OPCML: variants seen among roughly 807,000 people sequenced by gnomAD.
The protein encoded by OPCML is opioid-binding protein/cell adhesion molecule.
Under a neutral mutation model 37.8 loss-of-function variants are expected in OPCML, and 13 were observed. The ratio of observed to expected loss-of-function variants is 0.34; its 90% CI spans 0.22 to 0.55. The LOEUF (loss-of-function observed/expected upper bound fraction) is 0.55. OPCML is among the 20% of genes least tolerant of loss of function. The pLI is 0.91. For missense variants in OPCML, 341 were observed against 435.6 expected, an observed-to-expected ratio of 0.78 and a Z score of 1.93; for synonymous variants, 176 against 168.8, an observed-to-expected ratio of 1.04 and a Z score of -0.33.
At chr11:133,464,682 C>T (rs1469292728) in intron 1 of OPCML, among the ~76,000 whole-genome samples, 3 of 152,054 alleles carry the variant, frequency 2.0e-5, no homozygotes, top group Non-Finnish European at 2.9e-5. Flanking sequence ...GGCTGTGTGG[C>T]TGAGGTGGAC....
chr11:132,710,410 G>T lies in OPCML; in HGVS notation c.147-53091C>A, dbSNP rs192960230. Among the ~76,000 whole-genome samples, 168 of 152,274 alleles carry T rather than the reference G, an allele frequency of 1.1e-3. 1 individual carries two copies. Among genetic ancestry groups the T allele is most frequent in the African/African-American group, 3.9e-3 (163 of 41,552 alleles). ...AAGTAAAGTACCTATACTACAGTAA[G>T]CATAGTGGCATCCATTATAAAGGAG... On this transcript the variant is annotated intron_variant, in intron 2 of 7. Transcript: ENST00000524381.
chr11:132,543,659 T>C (rs1453025902), intron 3 of OPCML, among the ~76,000 whole-genome samples: 1 of 152,232 alleles, frequency 6.6e-6, no homozygotes, highest in Non-Finnish European at 1.5e-5. Flanking sequence ...AGGTTTTGAC[T>C]CTGTTCTCTG....
intron 4 of OPCML, among the ~76,000 whole-genome samples, chr11:132,446,816 G>A (rs190902532): frequency 7.2e-5 from 11 of 152,126 alleles, no homozygotes; most frequent in Non-Finnish European, 1.5e-5. Context: ...CATGGAAGGA[G>A]ACACTGCCTC....
intron 1 of OPCML, among the ~76,000 whole-genome samples, chr11:133,326,340 GTA>G (rs1368993268): frequency 2.0e-5 from 2 of 100,490 alleles, no homozygotes. Context: ...GTGGGTGTGT[GTA>G]TGTGTGTGTG....
At chr11:133,278,828 A>C (rs1182930267) in intron 1 of OPCML, among the ~76,000 whole-genome samples, 1 of 152,130 alleles carries the variant, frequency 6.6e-6, no homozygotes, top group African/African-American at 2.4e-5. Context: ...TCCTACCTCA[A>C]CTCTCATAGA....
At chr11:133,423,025 C>G in intron 1 of OPCML, 1 of 985,260 alleles carries the variant, frequency 1.0e-6, no homozygotes, top group African/African-American at 1.7e-5. Context: ...CTGTGCCATC[C>G]AAGGAACCTC....
At chr11:133,509,394 A>G (rs1948106172) in intron 1 of OPCML, among the ~76,000 whole-genome samples, 1 of 152,230 alleles carries the variant, frequency 6.6e-6, no homozygotes, top group Admixed American at 6.5e-5. Flanking sequence ...TGCAAAGGAC[A>G]TGATCTCATT....
intron 1 of OPCML, among the ~76,000 whole-genome samples, chr11:133,377,627 A>AAAAAAAAAAAAAAAAAAAAAAAAAAG (rs1944840557): frequency 3.3e-5 from 5 of 150,752 alleles, no homozygotes; most frequent in Admixed American, 3.3e-4. Flanking sequence ...AAAAAAAAAA[A>AAAAAAAAAAAAAAAAAAAAAAAAAAG]GAGCACCAAG....
intron 1 of OPCML, among the ~76,000 whole-genome samples, chr11:133,252,204 C>CACAT (rs1941157678): frequency 6.6e-6 from 1 of 152,148 alleles, no homozygotes; most frequent in African/African-American, 2.4e-5. Context: ...AATACATACA[C>CACAT]ACATACATAC....
chr11:133,400,478 T>A (rs1468980646), intron 1 of OPCML, among the ~76,000 whole-genome samples: 1 of 152,206 alleles, frequency 6.6e-6, no homozygotes, highest in African/African-American at 2.4e-5. Flanking sequence ...GTTATGCTCT[T>A]CTAAGAGCTT....
intron 1 of OPCML, chr11:133,360,931 T>G (rs980455335): frequency 4.6e-5 from 7 of 152,416 alleles, no homozygotes; most frequent in Non-Finnish European, 8.8e-5. Context: ...GGCAAATGGT[T>G]CTCCGCAGCA....
chr11:132,776,251 C>T (rs1377263884), intron 2 of OPCML, among the ~76,000 whole-genome samples: 1 of 152,260 alleles, frequency 6.6e-6, no homozygotes, highest in Non-Finnish European at 1.5e-5. Context: ...CTTTCAGGAA[C>T]ATCACCCATG....
intron 1 of OPCML, among the ~76,000 whole-genome samples, chr11:133,371,258 T>C (rs12279611): frequency 0.09 from 13,686 of 152,244 alleles, 687 homozygotes; most frequent in Admixed American, 0.15. Context: ...GGAGATTTCT[T>C]GAAAAATTAA....
intron 2 of OPCML, among the ~76,000 whole-genome samples, chr11:132,881,741 TA>T (rs1943233074): frequency 6.6e-6 from 1 of 152,232 alleles, no homozygotes; most frequent in African/African-American, 2.4e-5. Context: ...CAAATCAGCC[TA>T]AACTGGATTT....
chr11:132,537,555 CA>C (rs2096344154), intron 3 of OPCML, among the ~76,000 whole-genome samples: 1 of 152,088 alleles, frequency 6.6e-6, no homozygotes, highest in Admixed American at 6.5e-5. Context: ...GAAGCACAAG[CA>C]ACAGCAGAAA....
At position 133,140,865 on chromosome 11, in the gene OPCML, C is replaced by A. The variant is rs1198818715; in HGVS notation, c.62-197855G>T. Among the ~76,000 whole-genome samples the A allele has an allele frequency of 9.3e-5, 5 of 53,554 alleles. 1 individual carries two copies. The highest frequency in any genetic ancestry group is 2.0e-4 in the African/African-American group (4 of 19,574). 35.1% of individuals were successfully genotyped at this position (53,554 alleles called of 152,430 possible). A position where few individuals can be genotyped will look rare whatever the true frequency, so the allele number is the denominator to read the frequency against. On this transcript the variant is annotated intron_variant, in intron 1 of 7. Transcript: ENST00000524381. ...ACGACGACGACGACGAAGAAGACGA[C>A]GACGACGAAGAAGACGACGACGACG...
intron 1 of OPCML, among the ~76,000 whole-genome samples, chr11:133,284,568 A>G (rs1565548520): frequency 6.6e-6 from 1 of 152,152 alleles, no homozygotes; most frequent in African/African-American, 2.4e-5. Flanking sequence ...TCGGACTTTT[A>G]CTCAAGAGAA....
chr11:133,458,167 TATACATATATGTGTATATATAC>T (rs1565644503), intron 1 of OPCML, among the ~76,000 whole-genome samples: 8 of 144,482 alleles, frequency 5.5e-5, no homozygotes, highest in Admixed American at 1.4e-4. Context: ...TATATATACA[TATACATATATGTGTATATATAC>T]ACATATATAC....
intron 2 of OPCML, among the ~76,000 whole-genome samples, chr11:132,748,854 C>A (rs570512430): frequency 6.6e-6 from 1 of 152,274 alleles, no homozygotes; most frequent in East Asian, 1.9e-4. Context: ...ACTGTGTGAA[C>A]TTCCACAGGG....
Sources: gnomAD v4.1 joint callset for allele counts (sites outside exome capture counted in the v4.1 genomes callset) on GRCh38, gnomAD v4.1.1 for gene constraint, MANE v1.5 for transcripts, NCBI Gene and HGNC (gene_info 2026-07-23, HGNC 2026-07-21) for gene names.